SEMA4D: variants seen among roughly 807,000 people sequenced by gnomAD.
SEMA4D encodes semaphorin-4D.
SEMA4D carries 22 observed loss-of-function variants against 74.8 expected under a neutral mutation model. The observed-to-expected ratio is 0.29, with a 90% CI of 0.21 to 0.42. SEMA4D has a LOEUF of 0.42. SEMA4D is among the 10% of genes least tolerant of loss of function. The probability of loss-of-function intolerance (pLI) is 1.00; values close to 1 mark genes in which losing one functional copy is unlikely to be tolerated. For missense variants in SEMA4D, 937 were observed against 1,118.4 expected, an observed-to-expected ratio of 0.84 and a Z score of 2.31; for synonymous variants, 445 against 463.7, an observed-to-expected ratio of 0.96 and a Z score of 0.52.
chr9:89,489,301 C>T (rs545221684), intron 1 of SEMA4D, among the ~76,000 whole-genome samples: 9 of 152,346 alleles, frequency 5.9e-5, no homozygotes, highest in East Asian at 1.9e-4. Flanking sequence ...CATATGTCCA[C>T]GCTAAGATTT....
chr9:89,411,377 G>A (rs1172162765), intron 2 of SEMA4D, among the ~76,000 whole-genome samples: 1 of 152,116 alleles, frequency 6.6e-6, no homozygotes, highest in Non-Finnish European at 1.5e-5. Context: ...GAGGTCTGGG[G>A]GAAGAAAGAG....
intron 13 of SEMA4D, among the ~76,000 whole-genome samples, chr9:89,383,400 C>T (rs1171955006): frequency 6.6e-6 from 1 of 152,302 alleles, no homozygotes; most frequent in East Asian, 1.9e-4. Context: ...CCAGAAAGCG[C>T]CCTCTTTGGT....
At chr9:89,447,533 C>A (rs1268495616) in intron 2 of SEMA4D, among the ~76,000 whole-genome samples, 1 of 152,140 alleles carries the variant, frequency 6.6e-6, no homozygotes, top group African/African-American at 2.4e-5. Flanking sequence ...CAGATCCAAG[C>A]TGGCAGCAAG....
chr9:89,454,207 CCT>C (rs1217714832), intron 2 of SEMA4D, among the ~76,000 whole-genome samples: 3 of 152,162 alleles, frequency 2.0e-5, no homozygotes, highest in East Asian at 1.9e-4. Context: ...CCAAGGCACC[CCT>C]GAGGCAGTAG....
intron 2 of SEMA4D, among the ~76,000 whole-genome samples, chr9:89,434,558 C>T (rs989186326): frequency 6.6e-6 from 1 of 152,202 alleles, no homozygotes; most frequent in Non-Finnish European, 1.5e-5. Context: ...CCACCACCAG[C>T]GTAGCACCTT....
chr9:89,375,145 CAT>C (rs1835617884), downstream of SEMA4D, among the ~76,000 whole-genome samples: 1 of 152,246 alleles, frequency 6.6e-6, no homozygotes, highest in African/African-American at 2.4e-5. Flanking sequence ...ACGGCCAGTT[CAT>C]AGAGACCCGC....
intron 2 of SEMA4D, among the ~76,000 whole-genome samples, chr9:89,446,568 C>T (rs1171809477): frequency 6.6e-6 from 1 of 152,202 alleles, no homozygotes; most frequent in Admixed American, 6.5e-5. Flanking sequence ...GGGCCTCTCT[C>T]GGGCCACCAA....
chr9:89,468,511 C>G (rs184809662), intron 1 of SEMA4D, among the ~76,000 whole-genome samples: 59 of 152,368 alleles, frequency 3.9e-4, no homozygotes, highest in African/African-American at 1.3e-3. Context: ...AAAGCAATCT[C>G]TGCTTAAACA....
intron 2 of SEMA4D, among the ~76,000 whole-genome samples, chr9:89,429,139 A>G (rs1848714131): frequency 6.6e-6 from 1 of 152,168 alleles, no homozygotes; most frequent in Admixed American, 6.5e-5. Context: ...CAGCCTGGGC[A>G]TGGGCACTGG....
At chr9:89,486,168 G>A (rs892535545) in intron 1 of SEMA4D, among the ~76,000 whole-genome samples, 6 of 152,088 alleles carry the variant, frequency 3.9e-5, no homozygotes, top group African/African-American at 1.4e-4. Flanking sequence ...CTGAGACATC[G>A]ATCTGATTGC....
chr9:89,384,851 C>A lies in SEMA4D; in HGVS notation c.1446+1516G>T, dbSNP rs1458188274. The A allele has an allele frequency of 3.0e-6, 3 of 985,390 alleles. No individual in the cohort carries two copies. In the African/African-American group the frequency reaches 5.2e-5, roughly 17 times the overall value. The allele number at this position is 985,390 out of a possible 1,614,324, so 61.0% of individuals were successfully genotyped here. A position where few individuals can be genotyped will look rare whatever the true frequency, so the allele number is the denominator to read the frequency against. On this transcript the variant is annotated intron_variant, in intron 13 of 15. Transcript: ENST00000422704. ...ACCACTGAACAGCCACTTCCTGCTG[C>A]CATGGCCATGGAGCTGGGCCTTCCA... is the stretch of plus-strand genomic sequence containing the variant.
intron 13 of SEMA4D, chr9:89,385,865 T>TTGGGGGGGCC: frequency 4.7e-6 from 1 of 213,330 alleles, no homozygotes; most frequent in Non-Finnish European, 8.0e-6. Flanking sequence ...CCAGCGTGGA[T>TTGGGGGGGCC]GCCCGCCCAC....
At position 89,378,846 on chromosome 9, in the gene SEMA4D, T is replaced by A; in HGVS notation, c.2447A>T (p.Glu816Val). 1 of 1,614,208 alleles carries A rather than the reference T, an allele frequency of 6.2e-7. No homozygotes were observed. Among genetic ancestry groups the A allele is most frequent in the African/African-American group, 1.3e-5 (1 of 75,068 alleles). The stretch of plus-strand genomic sequence containing the variant: ...GCTGGTGATGGTGTCTTGCTCGGTC[T>A]CATAGCCGGTGTCCAGGGCTGGCTT... ...HPKPALDTGY[E>V]TEQDTITSKV... is the part of the protein sequence containing the mutation. Residue 816 changes from glutamate (E) to valine (V), a missense_variant, in exon 16 of 16, where the codon GAG (glutamate) becomes GTG (valine). Physicochemically the swap from Glu to Val is moderately radical, Grantham distance 121. Transcript: ENST00000422704.
At chr9:89,463,211 T>C (rs1857778705) in intron 1 of SEMA4D, among the ~76,000 whole-genome samples, 1 of 152,032 alleles carries the variant, frequency 6.6e-6, no homozygotes, top group Non-Finnish European at 1.5e-5. Flanking sequence ...TGAGGAATAC[T>C]TGCAATTCTA....
At chr9:89,396,627 A>G (rs543511843) in intron 6 of SEMA4D, 110 bp downstream of exon 6, 1 of 950,104 alleles carries the variant, frequency 1.1e-6, no homozygotes, top group Admixed American at 2.4e-5. Context: ...CTCTGAGAAA[A>G]TCCTATTTTT....
At chr9:89,445,311 C>T (rs889589477) in intron 2 of SEMA4D, among the ~76,000 whole-genome samples, 1 of 152,188 alleles carries the variant, frequency 6.6e-6, no homozygotes, top group Admixed American at 6.5e-5. Context: ...AGGGTATTCA[C>T]GGAAGCACTG....
chr9:89,388,544 C>A (rs1210611740), intron 11 of SEMA4D, 92 bp downstream of exon 11: 2 of 1,475,748 alleles, frequency 1.4e-6, no homozygotes, highest in Non-Finnish European at 1.8e-6. Flanking sequence ...GGCCAGGTAC[C>A]CAGCCCATGA....
In SEMA4D at chr9:89,465,026, A is replaced by G. The variant is rs190189682; in HGVS notation, c.-309-9073T>C. Among the ~76,000 whole-genome samples the G allele has an allele frequency of 5.9e-5, 9 of 152,366 alleles. No individual in the cohort carries two copies. The East Asian group carries it at 1.7e-3, about 29-fold the overall frequency. On this transcript the variant is annotated intron_variant, in intron 1 of 15. Transcript: ENST00000422704. The stretch of plus-strand genomic sequence containing the variant: ...GCATGCTTTACAAAGCACTGAGCAC[A>G]CAATAATTAACCAATACTCACTGAC...
chr9:89,453,042 G>A (rs960033561), intron 2 of SEMA4D, among the ~76,000 whole-genome samples: 1 of 152,118 alleles, frequency 6.6e-6, no homozygotes, highest in African/African-American at 2.4e-5. Context: ...CCCTTTCAGT[G>A]TCATTTAATT....
Sources: allele counts gnomAD v4.1 joint callset (sites outside exome capture counted in the v4.1 genomes callset), GRCh38; gene constraint gnomAD v4.1.1; transcripts MANE v1.5; gene names NCBI Gene and HGNC (gene_info 2026-07-23, HGNC 2026-07-21).